Variants in SPMAP2L observed in about 807,000 individuals in gnomAD.
The protein encoded by SPMAP2L is sperm microtubule associated protein 2 like.
chr4:56,540,489 G>C, the SPMAP2L span, among the ~76,000 whole-genome samples: 1 of 152,164 alleles, frequency 6.6e-6, no homozygotes, highest in Non-Finnish European at 1.5e-5. Flanking sequence ...GATGCAGTGA[G>C]CCGAGATCGC....
At chr4:56,601,057 A>C in the SPMAP2L span, 1 of 1,535,264 alleles carries the variant, frequency 6.5e-7, no homozygotes, top group Non-Finnish European at 8.7e-7. Context: ...TTATGCTACT[A>C]CTCATTCCAA....
At chr4:56,600,181 A>T in the SPMAP2L span, among the ~76,000 whole-genome samples, 1 of 146,484 alleles carries the variant, frequency 6.8e-6, no homozygotes, top group Non-Finnish European at 1.5e-5. Context: ...CTGGGCTCAA[A>T]TGATCTGCTC....
the SPMAP2L span, among the ~76,000 whole-genome samples, chr4:56,610,984 C>T: frequency 6.6e-6 from 1 of 152,326 alleles, no homozygotes; most frequent in South Asian, 2.1e-4. Context: ...AACACTTCTA[C>T]ATTGCTCATG....
the SPMAP2L span, among the ~76,000 whole-genome samples, chr4:56,558,394 T>C: frequency 1.3e-5 from 2 of 152,234 alleles, no homozygotes; most frequent in Non-Finnish European, 2.9e-5. Flanking sequence ...GTTCATACTC[T>C]GTGTTTTCTA....
the SPMAP2L span, chr4:56,603,202 A>G: frequency 1.3e-6 from 2 of 1,507,950 alleles, no homozygotes; most frequent in African/African-American, 1.4e-5. Flanking sequence ...TTTTTCCCCT[A>G]TTTCAGGGCT....
At chr4:56,612,542 T>C in the SPMAP2L span, among the ~76,000 whole-genome samples, 5 of 151,124 alleles carry the variant, frequency 3.3e-5, no homozygotes, top group East Asian at 9.8e-4. Flanking sequence ...GGCCAGGTTG[T>C]TATTATTATC....
At chr4:56,550,582 T>C in the SPMAP2L span, among the ~76,000 whole-genome samples, 2,399 of 152,234 alleles carry the variant, frequency 0.016, 66 homozygotes, top group African/African-American at 0.055. Context: ...AAATAAATAA[T>C]GTATGCTGAG....
the SPMAP2L span, among the ~76,000 whole-genome samples, chr4:56,564,911 T>C: frequency 1.3e-5 from 2 of 152,210 alleles, no homozygotes; most frequent in Admixed American, 6.5e-5. Flanking sequence ...TCTTTTGATA[T>C]CATGTTTGAG....
chr4:56,544,287 C>T, the SPMAP2L span, among the ~76,000 whole-genome samples: 6,123 of 152,206 alleles, frequency 0.04, 230 homozygotes, highest in East Asian at 0.19. Flanking sequence ...CCGTGCCCGG[C>T]CCCAATACGT....
At chr4:56,539,273 GAAGA>G in the SPMAP2L span, among the ~76,000 whole-genome samples, 1 of 152,172 alleles carries the variant, frequency 6.6e-6, no homozygotes, top group Non-Finnish European at 1.5e-5. Flanking sequence ...TTCCTTCCTT[GAAGA>G]ACTATTTCTG....
the SPMAP2L span, among the ~76,000 whole-genome samples, chr4:56,588,756 G>T: frequency 6.6e-6 from 1 of 152,036 alleles, no homozygotes; most frequent in Non-Finnish European, 1.5e-5. Flanking sequence ...TATAGTTTCA[G>T]GTCTTAGGTT....
At chr4:56,569,049 C>T in the SPMAP2L span, among the ~76,000 whole-genome samples, 1 of 152,106 alleles carries the variant, frequency 6.6e-6, no homozygotes, top group Non-Finnish European at 1.5e-5. Context: ...TTTTATTTAT[C>T]GATTCATCAG....
At chr4:56,619,812 C>T in the SPMAP2L span, among the ~76,000 whole-genome samples, 5 of 152,158 alleles carry the variant, frequency 3.3e-5, no homozygotes, top group African/African-American at 1.2e-4. Flanking sequence ...TATTTGCAAA[C>T]TATTTGATAA....
chr4:56,589,791 G>A, the SPMAP2L span, among the ~76,000 whole-genome samples: 2 of 151,912 alleles, frequency 1.3e-5, no homozygotes, highest in Non-Finnish European at 2.9e-5. Context: ...TGTAAAAATG[G>A]TGGAGTTCTT....
chr4:56,533,834 C>G, the SPMAP2L span, among the ~76,000 whole-genome samples: 2 of 151,940 alleles, frequency 1.3e-5, no homozygotes, highest in Middle Eastern at 3.4e-3. Context: ...TACCTGTAGC[C>G]CCAGTTACTG....
the SPMAP2L span, among the ~76,000 whole-genome samples, chr4:56,605,401 T>C: frequency 4.6e-5 from 7 of 152,086 alleles, no homozygotes; most frequent in Non-Finnish European, 1.0e-4. Context: ...AAATGTAAAA[T>C]TACAACACTA....
At chr4:56,586,923 C>T in the SPMAP2L span, among the ~76,000 whole-genome samples, 7 of 152,086 alleles carry the variant, frequency 4.6e-5, no homozygotes, top group African/African-American at 1.2e-4. Flanking sequence ...AAAACTGCCA[C>T]ACCCAATGAT....
At chr4:56,577,214 G>A in the SPMAP2L span, among the ~76,000 whole-genome samples, 1 of 151,622 alleles carries the variant, frequency 6.6e-6, no homozygotes, top group Non-Finnish European at 1.5e-5. Context: ...AGACCAGCCT[G>A]GCCAACATGG....
the SPMAP2L span, among the ~76,000 whole-genome samples, chr4:56,589,190 C>T: frequency 3.9e-4 from 59 of 151,762 alleles, 1 homozygote; most frequent in Middle Eastern, 3.4e-3. Context: ...AGTTTCACCA[C>T]GTTGGCCAGG....
Sources: gnomAD v4.1 joint callset for allele counts (sites outside exome capture counted in the v4.1 genomes callset) on GRCh38, gnomAD v4.1.1 for gene constraint, MANE v1.5 for transcripts, NCBI Gene and HGNC (gene_info 2026-07-23, HGNC 2026-07-21) for gene names.